CRB1: variants seen among roughly 807,000 people sequenced by gnomAD.
CRB1 encodes the protein protein crumbs homolog 1.
Under a neutral mutation model 120.0 loss-of-function variants are expected in CRB1, and 83 were observed. That is an observed-to-expected ratio of 0.69 (90% CI 0.58 to 0.83). CRB1 has a LOEUF of 0.83. CRB1 is among the 40% of genes least tolerant of loss of function. The pLI is 0.00. For missense variants in CRB1, 1,699 were observed against 1,687.6 expected (o/e 1.01, Z -0.12); for synonymous variants, 625 against 612.5 (o/e 1.02, Z -0.30).
chr1:197,356,173 T>A (rs765613750), intron 4 of CRB1, among the ~76,000 whole-genome samples: 1 of 152,228 alleles, frequency 6.6e-6, no homozygotes, highest in Non-Finnish European at 1.5e-5. Context: ...GTTCCAGTTA[T>A]GTTAAAACAG....
chr1:197,321,205 A>G (rs1166811719), intron 1 of CRB1, among the ~76,000 whole-genome samples: 3 of 152,224 alleles, frequency 2.0e-5, no homozygotes, highest in African/African-American at 7.2e-5. Flanking sequence ...GTATTCACCA[A>G]GGCCCTGCTC....
chr1:197,425,717 G>T (rs1178604596), intron 6 of CRB1, among the ~76,000 whole-genome samples: 3 of 151,998 alleles, frequency 2.0e-5, no homozygotes, highest in Non-Finnish European at 2.9e-5. Context: ...CACTCCCTTG[G>T]TTCTCCTCTT....
chr1:197,332,010 T>C (rs1558059718), intron 2 of CRB1, among the ~76,000 whole-genome samples: 1 of 151,794 alleles, frequency 6.6e-6, no homozygotes, highest in Non-Finnish European at 1.5e-5. Context: ...ACATCTCTAC[T>C]AAAAATACAA....
chr1:197,335,827 C>A (rs776116825), intron 2 of CRB1, among the ~76,000 whole-genome samples: 21 of 152,192 alleles, frequency 1.4e-4, no homozygotes, highest in Non-Finnish European at 2.5e-4. Flanking sequence ...ACTTTCTCCC[C>A]TCCCTGTTCC....
Position 197,344,467 on chromosome 1 carries a change from G to A in CRB1, c.839G>A (p.Gly280Glu), listed in dbSNP as rs930465675. The A allele has an allele frequency of 1.8e-5, 29 of 1,613,988 alleles. No individual in the cohort carries two copies. The highest frequency in any genetic ancestry group is 2.0e-5 in the Non-Finnish European group (24 of 1,179,924). ...PCLHGGLCVD[G>E]ENRYSCNCTG... Reference sequence around the variant, plus strand: ...CTCCATGGAGGGCTGTGTGTGGATGGAGAAAACAGGTACATTTTCTCTGGC... The same window carrying A: ...CTCCATGGAGGGCTGTGTGTGGATGAAGAAAACAGGTACATTTTCTCTGGC... The change falls in exon 3 of 12, where the codon GGA becomes GAA. Residue 280 changes from glycine (G) to glutamate (E), a missense_variant. Gly to Glu is a moderately conservative substitution (Grantham distance 98, BLOSUM62 -2). Transcript: ENST00000367400.
At chr1:197,310,984 A>T (rs1657485620) in intron 1 of CRB1, among the ~76,000 whole-genome samples, 1 of 152,226 alleles carries the variant, frequency 6.6e-6, no homozygotes, top group Non-Finnish European at 1.5e-5. Flanking sequence ...GACACCTGCC[A>T]TTCATCTGAC....
the CRB1 span, among the ~76,000 whole-genome samples, chr1:197,202,716 C>G: frequency 6.6e-6 from 1 of 151,666 alleles, no homozygotes; most frequent in African/African-American, 2.4e-5. Flanking sequence ...TAAAGAGAAC[C>G]AATAGACCAA....
intron 5 of CRB1, among the ~76,000 whole-genome samples, chr1:197,405,306 A>G (rs1571486241): frequency 1.3e-5 from 2 of 152,198 alleles, no homozygotes; most frequent in East Asian, 3.9e-4. Context: ...TCCAGCTCCT[A>G]ACCGCGAGTG....
intron 3 of CRB1, among the ~76,000 whole-genome samples, chr1:197,346,183 C>T (rs1017653722): frequency 6.6e-6 from 1 of 151,920 alleles, no homozygotes; most frequent in African/African-American, 2.4e-5. Flanking sequence ...TCTCTTATTG[C>T]CTAAATGTTG....
chr1:197,274,109 A>C (rs914933624), intron 1 of CRB1, among the ~76,000 whole-genome samples: 18 of 152,130 alleles, frequency 1.2e-4, no homozygotes, highest in African/African-American at 4.3e-4. Context: ...CTCTAACTCC[A>C]TTTCCACATG....
chr1:197,404,171 A>G (rs1163304318), intron 5 of CRB1, among the ~76,000 whole-genome samples: 1 of 152,210 alleles, frequency 6.6e-6, no homozygotes. Context: ...GGAAAATAGT[A>G]TTCAGACTAG....
chr1:197,381,827 C>T (rs1661972570), intron 5 of CRB1, among the ~76,000 whole-genome samples: 1 of 152,176 alleles, frequency 6.6e-6, no homozygotes, highest in African/African-American at 2.4e-5. Context: ...TACATACCAA[C>T]CATTAAGATA....
chr1:197,389,033 A>G (rs546544761), intron 5 of CRB1, among the ~76,000 whole-genome samples: 3 of 152,256 alleles, frequency 2.0e-5, no homozygotes, highest in South Asian at 4.1e-4. Flanking sequence ...TAGGATGGCT[A>G]TTATCAAACA....
At chr1:197,360,296 T>C (rs1028419093) in intron 5 of CRB1, 1 of 152,218 alleles carries the variant, frequency 6.6e-6, no homozygotes, top group African/African-American at 2.4e-5. Context: ...ATGTATCATA[T>C]GGCACCTAGC....
chr1:197,254,955 G>A, the CRB1 span, among the ~76,000 whole-genome samples: 1 of 152,024 alleles, frequency 6.6e-6, no homozygotes, highest in Non-Finnish European at 1.5e-5. Flanking sequence ...GTGCCACCAT[G>A]TACAGTGACT....
chr1:197,450,945 G>A (rs549320872), intron 11 of CRB1, among the ~76,000 whole-genome samples: 29 of 118,834 alleles, frequency 2.4e-4, no homozygotes, highest in Admixed American at 1.9e-3. Flanking sequence ...GGAAGACAGC[G>A]AGACTCCGTC....
At position 197,420,000 on chromosome 1, in the gene CRB1, C is replaced by CAA. The variant is rs200847709; in HGVS notation, c.1172-998_1172-997dup. 9.7e-3 allele frequency among the ~76,000 whole-genome samples: 1,357 copies of CAA among 139,996 alleles called. 16 individuals carry two copies. The highest frequency in any genetic ancestry group is 0.033 in the South Asian group (150 of 4,546). 91.8% of individuals were successfully genotyped at this position (139,996 alleles called of 152,430 possible). A position where few individuals can be genotyped will look rare whatever the true frequency, so the allele number is the denominator to read the frequency against. ...GATCTCAAAAACGAAAAAAAAAAAA[C>CAA]AAACAAAAAAAACTAGTTAATGTAG... is the stretch of plus-strand genomic sequence containing the variant. On this transcript the variant is annotated intron_variant, in intron 5 of 11. Transcript: ENST00000367400.
At chr1:197,285,448 A>G (rs1200142429) in intron 1 of CRB1, among the ~76,000 whole-genome samples, 3 of 151,858 alleles carry the variant, frequency 2.0e-5, no homozygotes, top group Non-Finnish European at 4.4e-5. Context: ...AAGAATGTCA[A>G]ATTCTCATTT....
chr1:197,331,906 G>A (rs1366538194), intron 2 of CRB1, among the ~76,000 whole-genome samples: 1 of 152,132 alleles, frequency 6.6e-6, no homozygotes, highest in Non-Finnish European at 1.5e-5. Context: ...CAGGTGTGGT[G>A]GCTCACGCCT....
Sources: gnomAD v4.1 joint callset for allele counts (sites outside exome capture counted in the v4.1 genomes callset) on GRCh38, gnomAD v4.1.1 for gene constraint, MANE v1.5 for transcripts, NCBI Gene and HGNC (gene_info 2026-07-23, HGNC 2026-07-21) for gene names.